The following AFG3L2 variants were observed in gnomAD, a reference collection of about 807,000 sequenced individuals.
AFG3L2 encodes mitochondrial inner membrane m-AAA protease component AFG3L2.
A neutral mutation model predicts 94.5 loss-of-function variants in AFG3L2; 54 were observed. The observed-to-expected ratio is 0.57, with a 90% confidence interval of 0.46 to 0.72. AFG3L2 has a LOEUF of 0.72. Ranked by LOEUF, AFG3L2 falls within the 30% of genes least tolerant of loss-of-function variation. AFG3L2 has a pLI of 0.00. For synonymous variants in AFG3L2, 377 were observed against 365.5 expected (o/e 1.03, Z -0.36); for missense variants, 754 against 994.9 (o/e 0.76, Z 3.26).
intron 6 of AFG3L2, 137 bp downstream of exon 6, chr18:12,363,645 T>C (rs571550865): frequency 1.4e-6 from 1 of 705,918 alleles, no homozygotes; most frequent in East Asian, 2.5e-5. Flanking sequence ...GTTAGTAAGA[T>C]CACCCCTGCC....
intron 16 of AFG3L2, among the ~76,000 whole-genome samples, chr18:12,333,222 TATA>T (rs1907632164): frequency 1.6e-5 from 2 of 122,600 alleles, no homozygotes; most frequent in Non-Finnish European, 3.2e-5. Context: ...TAATCTATTA[TATA>T]AATATATGAT....
At chr18:12,368,317 C>G (rs1206587187) in intron 3 of AFG3L2, among the ~76,000 whole-genome samples, 1 of 152,152 alleles carries the variant, frequency 6.6e-6, no homozygotes, top group African/African-American at 2.4e-5. Context: ...TGTGATTGTA[C>G]CACTGCACTC....
At chr18:12,336,976 CTATT>C (rs1477702598) in intron 16 of AFG3L2, 15 of 479,564 alleles carry the variant, frequency 3.1e-5, no homozygotes, top group Admixed American at 2.9e-4. Flanking sequence ...CTTTCACTAC[CTATT>C]TATTTTAGAG....
chr18:12,368,124 G>A (rs1360801487), intron 3 of AFG3L2, among the ~76,000 whole-genome samples: 5 of 151,730 alleles, frequency 3.3e-5, no homozygotes, highest in African/African-American at 9.7e-5. Context: ...CCAAGATCAC[G>A]CCATTGCACT....
intron 13 of AFG3L2, among the ~76,000 whole-genome samples, chr18:12,345,757 A>G (rs1201849731): frequency 6.6e-6 from 1 of 152,230 alleles, no homozygotes; most frequent in Admixed American, 6.5e-5. Flanking sequence ...CCTAAAAAAA[A>G]GGCATAAATA....
intron 1 of AFG3L2, among the ~76,000 whole-genome samples, chr18:12,374,114 A>C (rs116352555): frequency 1.4e-3 from 214 of 152,298 alleles, no homozygotes; most frequent in African/African-American, 5.0e-3. Flanking sequence ...TTGACATGGA[A>C]TATCCCTAGC....
At chr18:12,338,254 C>T (rs1410953604) in intron 15 of AFG3L2, among the ~76,000 whole-genome samples, 1 of 152,020 alleles carries the variant, frequency 6.6e-6, no homozygotes, top group Non-Finnish European at 1.5e-5. Context: ...ACTATCTGCA[C>T]AAGAGAAAGT....
chr18:12,331,808 AAT>A (rs35558132), intron 16 of AFG3L2, among the ~76,000 whole-genome samples: 51 of 146,312 alleles, frequency 3.5e-4, no homozygotes, highest in African/African-American at 1.2e-3. Flanking sequence ...TAAATAAATA[AAT>A]ATATATATAT....
At chr18:12,355,014 T>C (rs539446840) in intron 9 of AFG3L2, among the ~76,000 whole-genome samples, 2 of 152,102 alleles carry the variant, frequency 1.3e-5, no homozygotes, top group Admixed American at 1.3e-4. Flanking sequence ...AGTGAGGAGT[T>C]CAATACCAGC....
intron 7 of AFG3L2, among the ~76,000 whole-genome samples, chr18:12,359,144 T>TA (rs1598833860): frequency 6.6e-6 from 1 of 152,170 alleles, no homozygotes; most frequent in Non-Finnish European, 1.5e-5. Context: ...CTCTTCGAAA[T>TA]AAATGGAGCA....
intron 3 of AFG3L2, among the ~76,000 whole-genome samples, chr18:12,368,612 G>A (rs774858984): frequency 3.7e-4 from 56 of 152,052 alleles, no homozygotes; most frequent in Non-Finnish European, 5.9e-4. Flanking sequence ...GTACAATGGC[G>A]TGATCTCAGC....
chr18:12,349,739 G>A (rs1908255095), intron 12 of AFG3L2, among the ~76,000 whole-genome samples: 1 of 152,098 alleles, frequency 6.6e-6, no homozygotes, highest in Admixed American at 6.5e-5. Flanking sequence ...TCAGCTCACT[G>A]CAACCTCCAC....
intron 16 of AFG3L2, among the ~76,000 whole-genome samples, chr18:12,335,275 TTCTAC>T (rs1020931792): frequency 4.6e-5 from 7 of 152,224 alleles, no homozygotes; most frequent in African/African-American, 1.7e-4. Flanking sequence ...TGACTCTTTC[TTCTAC>T]TCTATGTTTA....
intron 16 of AFG3L2, among the ~76,000 whole-genome samples, chr18:12,331,908 A>C (rs1260983770): frequency 8.3e-6 from 1 of 121,182 alleles, no homozygotes; most frequent in Non-Finnish European, 1.9e-5. Context: ...TTAATGTGAC[A>C]GTAGTTTACT....
chr18:12,350,763 T>C (rs1168748089), intron 12 of AFG3L2, among the ~76,000 whole-genome samples: 1 of 152,062 alleles, frequency 6.6e-6, no homozygotes, highest in East Asian at 1.9e-4. Flanking sequence ...CTGTGCAACA[T>C]AATAAGTAAG....
chr18:12,332,668 C>T (rs1907571340), intron 16 of AFG3L2, among the ~76,000 whole-genome samples: 1 of 104,164 alleles, frequency 9.6e-6, no homozygotes, highest in Admixed American at 9.1e-5. Flanking sequence ...ATCATTTTAT[C>T]CATATATATA....
At chr18:12,345,866 T>C (rs1215212548) in intron 13 of AFG3L2, among the ~76,000 whole-genome samples, 1 of 152,218 alleles carries the variant, frequency 6.6e-6, no homozygotes, top group Admixed American at 6.5e-5. Flanking sequence ...AACAAATTTA[T>C]AGAATAAAAG....
rs752336670 is a variant in AFG3L2 at position 12,367,299 on chromosome 18, G to A, written c.376C>T (p.His126Tyr). 70 of 1,614,048 alleles carry A rather than the reference G, an allele frequency of 4.3e-5. No individual in the cohort carries two copies. Among genetic ancestry groups the A allele is most frequent in the Non-Finnish European group, 5.8e-5 (68 of 1,180,046 alleles). ...ACCTTCTGAAACCTGGACCACCAGTGAGAATCATCTTTCTTGCCACCTCGT... is the reference window on the plus strand; with the variant it reads ...ACCTTCTGAAACCTGGACCACCAGTAAGAATCATCTTTCTTGCCACCTCGT... ...GKRGGKKDDS[H>Y]WWSRFQKGDI... The change falls in exon 4 of 17, where the codon CAC (histidine) becomes TAC (tyrosine). Residue 126 changes from histidine to tyrosine, a missense_variant. Coordinates refer to ENST00000269143, the MANE Select transcript of AFG3L2 (RefSeq NM_006796.3).
chr18:12,347,314 AC>A (rs1908171869), intron 13 of AFG3L2, among the ~76,000 whole-genome samples: 1 of 151,986 alleles, frequency 6.6e-6, no homozygotes, highest in South Asian at 2.1e-4. Context: ...TCCACGTCAC[AC>A]CCCAGTTTCA....
Sources: gnomAD v4.1 joint callset for allele counts (sites outside exome capture counted in the v4.1 genomes callset) on GRCh38, gnomAD v4.1.1 for gene constraint, MANE v1.5 for transcripts, NCBI Gene and HGNC (gene_info 2026-07-23, HGNC 2026-07-21) for gene names.